The following STK38 variants were observed in gnomAD, a reference collection of about 807,000 sequenced individuals.
The protein encoded by STK38 is serine/threonine-protein kinase 38.
In STK38, 26 loss-of-function variants were observed where a neutral mutation model predicts 59.0. The ratio of observed to expected loss-of-function variants is 0.44; its 90% CI spans 0.32 to 0.61. The LOEUF is 0.61. Among genes scored for constraint, STK38 ranks in the 20% least tolerant of loss-of-function variants. The probability of loss-of-function intolerance (pLI) is 0.04; values close to 1 mark genes in which losing one functional copy is unlikely to be tolerated. For synonymous variants in STK38, 175 were observed against 176.6 expected, an observed-to-expected ratio of 0.99 and a Z score of 0.07; for missense variants, 433 against 566.0, an observed-to-expected ratio of 0.76 and a Z score of 2.38.
intron 7 of STK38, 81 bp from the exon 8 acceptor site, chr6:36,507,683 T>G: frequency 9.8e-7 from 1 of 1,016,762 alleles, no homozygotes; most frequent in African/African-American, 1.6e-5. Context: ...CCTTCCAGCA[T>G]CCATTATAGC....
intron 2 of STK38, among the ~76,000 whole-genome samples, chr6:36,532,216 T>C (rs1777680632): frequency 6.8e-6 from 1 of 147,796 alleles, no homozygotes; most frequent in Non-Finnish European, 1.5e-5. Context: ...AGGCTAAGGA[T>C]GGCTTGAGCC....
rs953658946 is a variant in STK38, at chr6:36,494,904, G to C, written c.*880C>G. 1 of 152,236 alleles carries C rather than the reference G, an allele frequency of 6.6e-6. No homozygotes were observed. 9.4% of individuals were successfully genotyped at this position (152,236 alleles called of 1,614,324 possible). On this transcript the variant is annotated 3_prime_UTR_variant, in exon 14 of 14. Coordinates refer to ENST00000229812, the MANE Select transcript of STK38 (RefSeq NM_007271.4). ...CCTAGGCCTGGGCTCTCCTCGTTAG[G>C]TTCCCAGGAATAAATTGAGTTCCCA...
intron 6 of STK38, 111 bp downstream of exon 6, chr6:36,517,606 A>C: frequency 6.9e-7 from 1 of 1,441,730 alleles, no homozygotes; most frequent in Non-Finnish European, 9.3e-7. Flanking sequence ...AAGGATATAG[A>C]AAGCAACTTT....
chr6:36,505,844 T>C (rs980197126), intron 9 of STK38, among the ~76,000 whole-genome samples: 2 of 152,214 alleles, frequency 1.3e-5, no homozygotes, highest in African/African-American at 4.8e-5. Context: ...ATTTCTATTA[T>C]CTGGCCAATA....
chr6:36,524,227 C>T, intron 4 of STK38, 114 bp downstream of exon 4: 1 of 1,312,208 alleles, frequency 7.6e-7, no homozygotes, highest in Non-Finnish European at 1.0e-6. Context: ...GCTGGCATGC[C>T]TGACTCATTT....
At chr6:36,495,974 G>A (rs182292526) in intron 13 of STK38, 60 bp from the exon 14 acceptor site, 27 of 1,599,192 alleles carry the variant, frequency 1.7e-5, no homozygotes, top group Non-Finnish European at 2.1e-5. Context: ...GACTGCTCAC[G>A]GTGCTGAAGA....
chr6:36,511,186 T>A (rs12212455), intron 7 of STK38, among the ~76,000 whole-genome samples: 340 of 152,254 alleles, frequency 2.2e-3, no homozygotes, highest in Admixed American at 3.5e-3. Flanking sequence ...ATACAAATTT[T>A]CCAAAATACA....
chr6:36,538,712 T>G (rs1045991312), intron 2 of STK38, among the ~76,000 whole-genome samples: 1 of 151,750 alleles, frequency 6.6e-6, no homozygotes, highest in Non-Finnish European at 1.5e-5. Context: ...GCCAACACAG[T>G]GAAACCCTGT....
At chr6:36,540,451 T>G (rs907768495) in intron 1 of STK38, among the ~76,000 whole-genome samples, 1 of 152,156 alleles carries the variant, frequency 6.6e-6, no homozygotes, top group Admixed American at 6.5e-5. Context: ...GCTTCTAAAG[T>G]GACATACACA....
chr6:36,533,083 G>A (rs853874), intron 2 of STK38, among the ~76,000 whole-genome samples: 55,084 of 136,572 alleles, frequency 0.4, 11,936 homozygotes, highest in African/African-American at 0.59. Flanking sequence ...AAAAAAAAAA[G>A]GGGTACACAA....
chr6:36,544,258 T>C (rs1188764480), intron 1 of STK38, among the ~76,000 whole-genome samples: 1 of 152,132 alleles, frequency 6.6e-6, no homozygotes, highest in African/African-American at 2.4e-5. Flanking sequence ...TATCACATTA[T>C]TTTTTATGGG....
chr6:36,504,610 A>G (rs1212542636), intron 9 of STK38, among the ~76,000 whole-genome samples: 8 of 152,206 alleles, frequency 5.3e-5, no homozygotes, highest in African/African-American at 1.9e-4. Flanking sequence ...TCTACTGTAT[A>G]TAGTATAAAA....
intron 10 of STK38, among the ~76,000 whole-genome samples, 170 bp from the exon 11 acceptor site, chr6:36,498,656 T>C (rs1443028063): frequency 2.7e-5 from 4 of 150,820 alleles, no homozygotes; most frequent in Admixed American, 6.6e-5. Flanking sequence ...GGCACAATCA[T>C]GGTTCACTGC....
At chr6:36,521,582 T>C (rs1432886613) in intron 5 of STK38, 152 bp downstream of exon 5, 1 of 411,872 alleles carries the variant, frequency 2.4e-6, no homozygotes. Flanking sequence ...ACTGCTTCTT[T>C]GTAGGGGGAA....
chr6:36,525,717 T>A (rs962114964), intron 2 of STK38, 75 bp from the exon 3 acceptor site: 1 of 1,204,126 alleles, frequency 8.3e-7, no homozygotes. Context: ...AACTTAATAC[T>A]GTAGTAGATT....
chr6:36,544,742 C>T (rs1778019894), intron 1 of STK38, among the ~76,000 whole-genome samples: 2 of 152,192 alleles, frequency 1.3e-5, no homozygotes, highest in African/African-American at 2.4e-5. Flanking sequence ...TGTGGTAGCA[C>T]ACACCTGTAG....
Position 36,525,720 on chromosome 6 carries a change from A to G in STK38, c.132-78T>C, listed in dbSNP as rs542974900. 1.1e-5 allele frequency: 13 copies of G among 1,186,778 alleles called. No homozygotes were observed. In the South Asian group the frequency reaches 1.8e-4, roughly 16 times the overall value. 73.5% of individuals were successfully genotyped at this position (1,186,778 alleles called of 1,614,324 possible). A position where few individuals can be genotyped will look rare whatever the true frequency, so the allele number is the denominator to read the frequency against. Reference sequence around the variant, plus strand: ...TGAAAATTCTGTAACTTAATACTGTAGTAGATTTTTAAAAATGACACAAAC... The same window carrying G: ...TGAAAATTCTGTAACTTAATACTGTGGTAGATTTTTAAAAATGACACAAAC... On this transcript the variant is annotated intron_variant, in intron 2 of 13. Transcript: ENST00000229812.
chr6:36,496,879 A>G (rs1222474616), intron 12 of STK38, 74 bp from the exon 13 acceptor site: 15 of 1,096,434 alleles, frequency 1.4e-5, no homozygotes, highest in East Asian at 7.5e-5. Flanking sequence ...TCTTTCTCCA[A>G]AAAAGACCCC....
chr6:36,503,385 T>C (rs564008823), intron 9 of STK38, among the ~76,000 whole-genome samples: 2 of 152,266 alleles, frequency 1.3e-5, no homozygotes, highest in South Asian at 2.1e-4. Context: ...GAATTGACTT[T>C]TGCATATACT....
Sources: allele counts gnomAD v4.1 joint callset (sites outside exome capture counted in the v4.1 genomes callset), GRCh38; gene constraint gnomAD v4.1.1; transcripts MANE v1.5; gene names NCBI Gene and HGNC (gene_info 2026-07-23, HGNC 2026-07-21).